The following ALK variants were observed in gnomAD, a reference collection of about 807,000 sequenced individuals.
The protein encoded by ALK is ALK receptor tyrosine kinase, also known as ALK tyrosine kinase receptor.
ALK carries 74 observed loss-of-function variants against 163.1 expected under a neutral mutation model. That is an observed-to-expected ratio of 0.45 (90% CI 0.38 to 0.55). ALK has a LOEUF of 0.55. ALK is among the 20% of genes least tolerant of loss of function. The pLI is 0.00. For synonymous variants in ALK, 960 were observed against 843.2 expected (o/e 1.14, Z -2.40); for missense variants, 2,063 against 2,105.3 (o/e 0.98, Z 0.39).
chr2:29,814,012 C>A (rs368759190), intron 1 of ALK, among the ~76,000 whole-genome samples: 2 of 152,160 alleles, frequency 1.3e-5, no homozygotes, highest in Non-Finnish European at 2.9e-5. Flanking sequence ...AAGTCTGGGG[C>A]CTGATTTCTC....
intron 1 of ALK, among the ~76,000 whole-genome samples, chr2:29,877,927 T>C (rs971705783): frequency 1.3e-5 from 2 of 152,230 alleles, no homozygotes; most frequent in African/African-American, 4.8e-5. Context: ...CCTAGGATTC[T>C]GGCTTCCTTC....
rs527898168 is a variant in ALK, at chr2:29,800,182, G to A, written c.668-82485C>T. On this transcript the variant is annotated intron_variant, in intron 1 of 28. Coordinates refer to ENST00000389048, the MANE Select transcript of ALK (RefSeq NM_004304.5). ...CCTCAGAGGAGGCAATGCCTGAGAG[G>A]AGGCTGAAGAGTGACAGGTGGGGCA... 7.9e-5 allele frequency among the ~76,000 whole-genome samples: 12 copies of A among 152,370 alleles called. No homozygotes were observed. In the East Asian group the frequency reaches 1.7e-3, roughly 22 times the overall value.
intron 1 of ALK, among the ~76,000 whole-genome samples, chr2:29,804,950 C>T (rs1664570120): frequency 6.6e-6 from 1 of 152,170 alleles, no homozygotes; most frequent in African/African-American, 2.4e-5. Flanking sequence ...TCACATATCC[C>T]CCTTTCCCGG....
At chr2:29,521,321 G>A (rs1010297712) in intron 4 of ALK, among the ~76,000 whole-genome samples, 2 of 152,082 alleles carry the variant, frequency 1.3e-5, no homozygotes, top group African/African-American at 2.4e-5. Flanking sequence ...CCTCCCCTAG[G>A]GACCCTCCCT....
chr2:29,818,448 G>A (rs1338504821), intron 1 of ALK, among the ~76,000 whole-genome samples: 1 of 152,242 alleles, frequency 6.6e-6, no homozygotes, highest in African/African-American at 2.4e-5. Flanking sequence ...TGCAAAATGA[G>A]ACGTTAGAGG....
chr2:29,778,991 T>C (rs1325177496), intron 1 of ALK, among the ~76,000 whole-genome samples: 1 of 150,894 alleles, frequency 6.6e-6, no homozygotes, highest in Non-Finnish European at 1.5e-5. Flanking sequence ...CGGTCTCTAC[T>C]AAAAAATACA....
At chr2:29,322,554 CAG>C (rs1208224460) in intron 6 of ALK, among the ~76,000 whole-genome samples, 2 of 152,252 alleles carry the variant, frequency 1.3e-5, no homozygotes, top group Non-Finnish European at 2.9e-5. Context: ...CAAGGCCCGA[CAG>C]GGCACGGTGG....
intron 3 of ALK, among the ~76,000 whole-genome samples, chr2:29,539,863 C>T (rs190199321): frequency 1.0e-3 from 152 of 152,268 alleles, no homozygotes; most frequent in African/African-American, 3.4e-3. Flanking sequence ...ACAACAACAA[C>T]TGGGTAAAGT....
chr2:29,543,684 G>C (rs1469961144), intron 3 of ALK, among the ~76,000 whole-genome samples: 1 of 152,154 alleles, frequency 6.6e-6, no homozygotes, highest in Non-Finnish European at 1.5e-5. Context: ...TCTTTTACCT[G>C]CACTCTCAGC....
chr2:29,713,809 GT>G (rs1679172395), intron 2 of ALK, among the ~76,000 whole-genome samples: 1 of 151,258 alleles, frequency 6.6e-6, no homozygotes, highest in Non-Finnish European at 1.5e-5. Flanking sequence ...AATGAGAAAA[GT>G]GGGTGAAAAA....
intron 3 of ALK, among the ~76,000 whole-genome samples, chr2:29,652,086 G>A (rs949605754): frequency 1.5e-4 from 23 of 152,172 alleles, no homozygotes; most frequent in Non-Finnish European, 2.9e-4. Flanking sequence ...TTAATTAAGA[G>A]AGCTTCTACT....
intron 5 of ALK, among the ~76,000 whole-genome samples, chr2:29,378,420 G>C (rs1440865023): frequency 6.6e-6 from 1 of 152,150 alleles, no homozygotes; most frequent in Non-Finnish European, 1.5e-5. Flanking sequence ...GCAAGGTGTG[G>C]TAGCTAAGAA....
intron 3 of ALK, among the ~76,000 whole-genome samples, chr2:29,554,054 A>G (rs958517748): frequency 6.6e-6 from 1 of 152,144 alleles, no homozygotes; most frequent in Admixed American, 6.6e-5. Context: ...TATGCTATCA[A>G]ATCTTATATA....
intron 1 of ALK, among the ~76,000 whole-genome samples, chr2:29,769,901 T>C (rs547483841): frequency 1.3e-5 from 2 of 152,200 alleles, no homozygotes; most frequent in African/African-American, 4.8e-5. Flanking sequence ...CCGCAACTGA[T>C]AGTGTGGAGG....
At chr2:29,904,579 C>T (rs1265524334) in intron 1 of ALK, among the ~76,000 whole-genome samples, 1 of 152,112 alleles carries the variant, frequency 6.6e-6, no homozygotes, top group Non-Finnish European at 1.5e-5. Context: ...GTCACAGATG[C>T]TACACTAAAC....
chr2:29,892,248 A>C (rs1055567512), intron 1 of ALK: 2 of 152,178 alleles, frequency 1.3e-5, no homozygotes, highest in African/African-American at 2.4e-5. Context: ...TTCAGCTCAC[A>C]TAGGAGATGC....
At chr2:29,254,822 T>C (rs1261815990) in intron 11 of ALK, among the ~76,000 whole-genome samples, 1 of 152,222 alleles carries the variant, frequency 6.6e-6, no homozygotes, top group Non-Finnish European at 1.5e-5. Context: ...TCTCAAAATT[T>C]ATGTCCTCCA....
At chr2:29,406,792 C>T (rs1430240630) in intron 4 of ALK, among the ~76,000 whole-genome samples, 2 of 150,908 alleles carry the variant, frequency 1.3e-5, no homozygotes, top group African/African-American at 2.4e-5. Context: ...CCCGCTACTT[C>T]GGAGGCTGAG....
In ALK at chr2:29,731,229, A is replaced by T. The variant is rs145668664; in HGVS notation, c.668-13532T>A. Among the ~76,000 whole-genome samples the T allele has an allele frequency of 5.6e-3, 852 of 152,346 alleles. 3 individuals carry two copies. The highest frequency in any genetic ancestry group is 0.034 in the Middle Eastern group (10 of 294). ...TGAATGGCCAAAAAGTAATGATTACAAATGACTGAGTTAAACTGCTGTGTG... is the reference window on the plus strand; with the variant it reads ...TGAATGGCCAAAAAGTAATGATTACTAATGACTGAGTTAAACTGCTGTGTG... On this transcript the variant is annotated intron_variant, in intron 1 of 28. Coordinates refer to ENST00000389048, the MANE Select transcript of ALK (RefSeq NM_004304.5).
Sources: gnomAD v4.1 joint callset for allele counts (sites outside exome capture counted in the v4.1 genomes callset) on GRCh38, gnomAD v4.1.1 for gene constraint, MANE v1.5 for transcripts, NCBI Gene and HGNC (gene_info 2026-07-23, HGNC 2026-07-21) for gene names.